Variants in STXBP6 observed in about 807,000 individuals in gnomAD.
STXBP6 encodes the protein syntaxin-binding protein 6.
Under a neutral mutation model 26.9 loss-of-function variants are expected in STXBP6, and 21 were observed. That is an observed-to-expected ratio of 0.78 (90% CI 0.55 to 1.12). The LOEUF (loss-of-function observed/expected upper bound fraction) is 1.12. Ranked by LOEUF, STXBP6 falls within the 50% of genes most tolerant of loss-of-function variation. STXBP6 has a pLI of 0.00. For missense variants in STXBP6, 232 were observed against 257.9 expected, an observed-to-expected ratio of 0.90 and a Z score of 0.69; for synonymous variants, 97 against 92.6, an observed-to-expected ratio of 1.05 and a Z score of -0.27.
At chr14:24,880,931 T>C (rs983145697) in intron 2 of STXBP6, among the ~76,000 whole-genome samples, 2 of 152,218 alleles carry the variant, frequency 1.3e-5, no homozygotes, top group Non-Finnish European at 2.9e-5. Flanking sequence ...ATTCATCCAC[T>C]GCAACTGTGT....
chr14:24,937,940 C>A (rs2072662575), intron 2 of STXBP6, among the ~76,000 whole-genome samples: 1 of 152,212 alleles, frequency 6.6e-6, no homozygotes, highest in Admixed American at 6.5e-5. Context: ...AACTGCCAAT[C>A]AAAAATCACT....
intron 4 of STXBP6, among the ~76,000 whole-genome samples, chr14:24,835,983 A>C (rs1003196705): frequency 1.3e-5 from 2 of 152,252 alleles, no homozygotes; most frequent in African/African-American, 4.8e-5. Flanking sequence ...CACTGTAGTC[A>C]CCATGACTAT....
chr14:24,870,580 C>T (rs2069892804), intron 2 of STXBP6, among the ~76,000 whole-genome samples: 1 of 152,150 alleles, frequency 6.6e-6, no homozygotes, highest in South Asian at 2.1e-4. Flanking sequence ...TTTTTACTCT[C>T]ATAAAAATAA....
At chr14:24,928,145 C>T (rs924277334) in intron 2 of STXBP6, among the ~76,000 whole-genome samples, 1 of 152,174 alleles carries the variant, frequency 6.6e-6, no homozygotes, top group Non-Finnish European at 1.5e-5. Flanking sequence ...TTCCTCTTCT[C>T]ACTTTCCTTA....
chr14:25,002,847 C>T (rs967585548), intron 1 of STXBP6, among the ~76,000 whole-genome samples: 24 of 152,048 alleles, frequency 1.6e-4, no homozygotes, highest in African/African-American at 5.8e-4. Context: ...CTGCCTCAGC[C>T]TTCCAAGTAG....
At chr14:25,002,035 C>T (rs895000935) in intron 1 of STXBP6, among the ~76,000 whole-genome samples, 1 of 152,198 alleles carries the variant, frequency 6.6e-6, no homozygotes, top group African/African-American at 2.4e-5. Context: ...ACTTAAGCCA[C>T]TATGAAATAT....
At chr14:25,006,176 G>C (rs2074893755) in intron 1 of STXBP6, among the ~76,000 whole-genome samples, 1 of 152,184 alleles carries the variant, frequency 6.6e-6, no homozygotes, top group Non-Finnish European at 1.5e-5. Flanking sequence ...CGCTGAACTA[G>C]GGATTCAAGC....
At chr14:24,815,731 G>A (rs971746529) in intron 5 of STXBP6, 3 of 152,000 alleles carry the variant, frequency 2.0e-5, no homozygotes, top group Admixed American at 6.6e-5. Context: ...TGACTATGGC[G>A]GGGCCGTCAA....
intron 2 of STXBP6, among the ~76,000 whole-genome samples, chr14:24,863,173 T>G (rs781374857): frequency 6.6e-6 from 1 of 152,162 alleles, no homozygotes; most frequent in Admixed American, 6.6e-5. Flanking sequence ...CCTTAACCCC[T>G]GGAAGGCTTG....
intron 4 of STXBP6, among the ~76,000 whole-genome samples, chr14:24,851,186 T>C (rs907650328): frequency 5.3e-5 from 8 of 151,566 alleles, no homozygotes; most frequent in African/African-American, 1.9e-4. Flanking sequence ...CTTGACCTAA[T>C]ATGGCATACC....
At chr14:24,821,261 G>C (rs1190287524) in intron 4 of STXBP6, among the ~76,000 whole-genome samples, 1 of 152,182 alleles carries the variant, frequency 6.6e-6, no homozygotes, top group Non-Finnish European at 1.5e-5. Flanking sequence ...AAGGATTTTA[G>C]AATTAGCTGC....
chr14:24,978,783 T>C (rs1048820165), intron 1 of STXBP6, among the ~76,000 whole-genome samples: 2 of 152,228 alleles, frequency 1.3e-5, no homozygotes, highest in African/African-American at 4.8e-5. Flanking sequence ...AATGCATGGC[T>C]ACTGTAGTGT....
At chr14:24,846,228 TA>T (rs1279201730) in intron 4 of STXBP6, among the ~76,000 whole-genome samples, 1 of 152,226 alleles carries the variant, frequency 6.6e-6, no homozygotes, top group African/African-American at 2.4e-5. Flanking sequence ...TGTTCAGTTA[TA>T]AAAGTTCTTT....
At chr14:24,910,076 G>T (rs1045934902) in intron 2 of STXBP6, among the ~76,000 whole-genome samples, 1 of 151,918 alleles carries the variant, frequency 6.6e-6, no homozygotes, top group African/African-American at 2.4e-5. Context: ...CCAGGTCACC[G>T]CACCCATCCA....
At position 24,871,268 on chromosome 14, in the gene STXBP6, T is replaced by TA. The variant is rs1361620057; in HGVS notation, c.155-14112dup. ...CTCCCATTCCCAATCAAAGTAGAGC[T>TA]AGGTGTTTAGCAGAGTTCCTTACAC... is the stretch of plus-strand genomic sequence containing the variant. On this transcript the variant is annotated intron_variant, in intron 2 of 5. Transcript: ENST00000323944. Among the ~76,000 whole-genome samples the TA allele has an allele frequency of 2.6e-5, 4 of 152,204 alleles. No homozygotes were observed. In the East Asian group the frequency reaches 7.7e-4, roughly 29 times the overall value.
At chr14:24,930,837 C>A (rs992428631) in intron 2 of STXBP6, among the ~76,000 whole-genome samples, 4 of 151,894 alleles carry the variant, frequency 2.6e-5, no homozygotes, top group Non-Finnish European at 5.9e-5. Context: ...ACCGGCCGGG[C>A]GCGGTGGCTC....
intron 2 of STXBP6, among the ~76,000 whole-genome samples, chr14:24,941,845 C>T (rs965334418): frequency 2.0e-5 from 3 of 152,226 alleles, no homozygotes; most frequent in Admixed American, 2.0e-4. Flanking sequence ...ATACCAGAGA[C>T]TAATACAAGT....
At chr14:24,814,028 T>C (rs1479005812) in intron 5 of STXBP6, among the ~76,000 whole-genome samples, 2 of 152,194 alleles carry the variant, frequency 1.3e-5, no homozygotes, top group Non-Finnish European at 2.9e-5. Context: ...CTGGTACCTC[T>C]GTCTGGTGAT....
At chr14:24,845,065 G>A (rs962051975) in intron 4 of STXBP6, among the ~76,000 whole-genome samples, 4 of 149,540 alleles carry the variant, frequency 2.7e-5, no homozygotes, top group Admixed American at 1.3e-4. Context: ...AGGCTGGAAT[G>A]CAGTGGCGTG....
Sources: gnomAD v4.1 joint callset for allele counts (sites outside exome capture counted in the v4.1 genomes callset) on GRCh38, gnomAD v4.1.1 for gene constraint, MANE v1.5 for transcripts, NCBI Gene and HGNC (gene_info 2026-07-23, HGNC 2026-07-21) for gene names.